TBC1D12: variants seen among roughly 807,000 people sequenced by gnomAD.
TBC1D12 encodes TBC1 domain family member 12, also known as TBC1 domain family, member 12.
A neutral mutation model predicts 86.7 loss-of-function variants in TBC1D12; 56 were observed. The ratio of observed to expected loss-of-function variants is 0.65; its 90% CI spans 0.52 to 0.81. The LOEUF (loss-of-function observed/expected upper bound fraction) is 0.81, where lower values mean the gene tolerates loss of function less well. Ranked by LOEUF, TBC1D12 falls within the 30% of genes least tolerant of loss-of-function variation. The pLI, the probability that TBC1D12 is intolerant of heterozygous loss-of-function variation, is 0.00. For missense variants in TBC1D12, 1,023 were observed against 1,038.8 expected (o/e 0.98, Z 0.21); for synonymous variants, 421 against 411.7 (o/e 1.02, Z -0.27).
intron 1 of TBC1D12, among the ~76,000 whole-genome samples, chr10:94,420,470 A>G (rs890047587): frequency 5.3e-5 from 8 of 152,168 alleles, no homozygotes; most frequent in Admixed American, 3.9e-4. Context: ...CCACTATCTA[A>G]TTCTAGAACA....
chr10:94,485,074 G>A (rs990930451), intron 3 of TBC1D12, among the ~76,000 whole-genome samples: 7 of 152,080 alleles, frequency 4.6e-5, no homozygotes, highest in Non-Finnish European at 7.4e-5. Context: ...TTTACAATTT[G>A]GATACCCTTT....
chr10:94,412,871 C>CTTAAATTTAGTGT (rs2054944494), intron 1 of TBC1D12, among the ~76,000 whole-genome samples: 1 of 152,152 alleles, frequency 6.6e-6, no homozygotes, highest in Non-Finnish European at 1.5e-5. Flanking sequence ...TACAGTGATT[C>CTTAAATTTAGTGT]TTAAATTTAG....
chr10:94,451,608 T>C (rs994488945), intron 2 of TBC1D12, among the ~76,000 whole-genome samples: 1 of 152,150 alleles, frequency 6.6e-6, no homozygotes, highest in African/African-American at 2.4e-5. Context: ...TCCTTGAATA[T>C]AGTAAGTAAA....
At chr10:94,468,778 T>A (rs2055860310) in intron 2 of TBC1D12, among the ~76,000 whole-genome samples, 1 of 152,188 alleles carries the variant, frequency 6.6e-6, no homozygotes, top group African/African-American at 2.4e-5. Context: ...GTACCAACAC[T>A]CCAATTACAC....
intron 2 of TBC1D12, among the ~76,000 whole-genome samples, chr10:94,451,337 AAG>A (rs1309671906): frequency 6.6e-6 from 1 of 152,110 alleles, no homozygotes; most frequent in Non-Finnish European, 1.5e-5. Flanking sequence ...AAATCTTAAA[AAG>A]GTTATAAAAA....
intron 11 of TBC1D12, among the ~76,000 whole-genome samples, chr10:94,523,729 A>G (rs1842214501): frequency 6.6e-6 from 1 of 152,230 alleles, no homozygotes; most frequent in Non-Finnish European, 1.5e-5. Flanking sequence ...TTGGGAGGCC[A>G]AGGCGGGAGG....
At chr10:94,517,772 TATAA>T (rs1842038150) in intron 9 of TBC1D12, among the ~76,000 whole-genome samples, 1 of 152,242 alleles carries the variant, frequency 6.6e-6, no homozygotes, top group Admixed American at 6.5e-5. Context: ...ATGCTGAATC[TATAA>T]ATAACTCACG....
At chr10:94,484,455 G>A (rs780283530) in intron 3 of TBC1D12, among the ~76,000 whole-genome samples, 1 of 151,948 alleles carries the variant, frequency 6.6e-6, no homozygotes, top group African/African-American at 2.4e-5. Flanking sequence ...GGTCAGGGTG[G>A]TCTTGAACTC....
chr10:94,474,684 C>T lies in TBC1D12; in HGVS notation c.1112C>T (p.Thr371Met), dbSNP rs377630453. ...KIIQQEYEARTGRTCKPPPQS... is the reference protein window; with the variant it reads ...KIIQQEYEARMGRTCKPPPQS... ...TTACTCTAGGAATATGAAGCACGAA[C>T]GGGGAGGACCTGTAAACCACCACCT... Residue 371 changes from threonine (T) to methionine (M), a missense_variant, in exon 3 of 13, where the codon ACG becomes ATG. Thr to Met is a moderately conservative substitution (Grantham distance 81, BLOSUM62 -1). Around this residue, in one of 2 missense-constraint regions of TBC1D12, gnomAD observed 395 missense variants for 507.7 expected, o/e 0.78. Coordinates refer to ENST00000225235, the MANE Select transcript of TBC1D12 (RefSeq NM_015188.2). The T allele has an allele frequency of 1.4e-5, 23 of 1,613,694 alleles. No homozygotes were observed. Among genetic ancestry groups the T allele is most frequent in the African/African-American group, 1.2e-4 (9 of 74,860 alleles).
intron 2 of TBC1D12, among the ~76,000 whole-genome samples, chr10:94,460,835 C>T (rs1490397928): frequency 6.6e-6 from 1 of 152,008 alleles, no homozygotes; most frequent in Non-Finnish European, 1.5e-5. Context: ...TCCTCAAGTT[C>T]AGAGATTCTG....
intron 11 of TBC1D12, among the ~76,000 whole-genome samples, chr10:94,527,543 A>C (rs1402867515): frequency 6.6e-6 from 1 of 151,798 alleles, no homozygotes; most frequent in Non-Finnish European, 1.5e-5. Context: ...GGTGTGCAGA[A>C]GCTTTTTAGT....
chr10:94,528,817 G>A (rs1188636640), intron 11 of TBC1D12, among the ~76,000 whole-genome samples: 2 of 140,752 alleles, frequency 1.4e-5, no homozygotes, highest in Non-Finnish European at 3.0e-5. Flanking sequence ...GCAAGACTGT[G>A]TCTCCAAAAA....
At chr10:94,461,070 G>A (rs2055720634) in intron 2 of TBC1D12, among the ~76,000 whole-genome samples, 1 of 151,816 alleles carries the variant, frequency 6.6e-6, no homozygotes, top group Non-Finnish European at 1.5e-5. Flanking sequence ...ATCTGACTCT[G>A]GTTCTAATGC....
intron 1 of TBC1D12, among the ~76,000 whole-genome samples, chr10:94,428,650 A>G: frequency 6.6e-6 from 1 of 151,992 alleles, no homozygotes; most frequent in Non-Finnish European, 1.5e-5. Context: ...ACCTGACCTC[A>G]TTACTGGATT....
At chr10:94,408,238 G>T (rs1362556553) in intron 1 of TBC1D12, among the ~76,000 whole-genome samples, 10 of 152,120 alleles carry the variant, frequency 6.6e-5, no homozygotes, top group African/African-American at 2.4e-4. Context: ...CATTGCTAAG[G>T]TAGGGAAGGA....
At chr10:94,501,344 A>C (rs1049645480) in intron 6 of TBC1D12, 1 of 150,054 alleles carries the variant, frequency 6.7e-6, no homozygotes, top group Non-Finnish European at 1.5e-5. Flanking sequence ...AGGCAGGAGA[A>C]TTGCTTGAAC....
chr10:94,503,327 A>G (rs903155046), intron 6 of TBC1D12, among the ~76,000 whole-genome samples: 1 of 152,224 alleles, frequency 6.6e-6, no homozygotes, highest in African/African-American at 2.4e-5. Context: ...AGGATGACTG[A>G]AAATCATTCA....
chr10:94,437,301 T>C (rs185264942), intron 1 of TBC1D12, among the ~76,000 whole-genome samples: 2 of 152,180 alleles, frequency 1.3e-5, no homozygotes, highest in Admixed American at 6.5e-5. Context: ...ATTATGTCTT[T>C]CCTCAGATTT....
Position 94,531,400 on chromosome 10 carries a change from A to G in TBC1D12, c.2199A>G (p.Glu733=). Residue 733 remains glutamate (E), a synonymous_variant, in exon 12 of 13, where the codon GAA becomes GAG. Coordinates refer to ENST00000225235, the MANE Select transcript of TBC1D12 (RefSeq NM_015188.2). ...LTKLPEDITS[E]KLFSCIAAIQ... is the part of the protein sequence containing the mutation. ...AATTGCCAGAAGATATCACATCGGA[A>G]AAGCTGTTCAGTTGTATTGCAGCCA... 6.2e-7 allele frequency: 1 copy of G among 1,614,164 alleles called. No homozygotes were observed. Among genetic ancestry groups the G allele is most frequent in the South Asian group, 1.1e-5 (1 of 91,076 alleles).
Sources: allele counts gnomAD v4.1 joint callset (sites outside exome capture counted in the v4.1 genomes callset), GRCh38; gene constraint gnomAD v4.1.1; regional missense constraint gnomAD v4.1.1; transcripts MANE v1.5; gene names NCBI Gene and HGNC (gene_info 2026-07-23, HGNC 2026-07-21).